Variants in PMFBP1 observed in about 807,000 individuals in gnomAD.
The protein encoded by PMFBP1 is polyamine-modulated factor 1-binding protein 1.
PMFBP1 carries 131 observed loss-of-function variants against 137.8 expected under a neutral mutation model. That is an observed-to-expected ratio of 0.95 (90% CI 0.82 to 1.10). The LOEUF is 1.10. Among genes scored for constraint, PMFBP1 ranks in the 50% least tolerant of loss-of-function variants. The pLI is 0.00. For missense variants in PMFBP1, 1,199 were observed against 1,175.4 expected, an observed-to-expected ratio of 1.02 and a Z score of -0.29; for synonymous variants, 490 against 450.4, an observed-to-expected ratio of 1.09 and a Z score of -1.11.
the PMFBP1 span, among the ~76,000 whole-genome samples, chr16:72,228,642 A>G: frequency 6.6e-6 from 1 of 152,206 alleles, no homozygotes; most frequent in Non-Finnish European, 1.5e-5. Flanking sequence ...AATGCTCACC[A>G]AAACTATTTG....
At chr16:72,188,996 T>C in the PMFBP1 span, among the ~76,000 whole-genome samples, 3 of 151,848 alleles carry the variant, frequency 2.0e-5, no homozygotes, top group Non-Finnish European at 2.9e-5. Flanking sequence ...GTGTAACACA[T>C]GGTGACAAAC....
At chr16:72,133,263 C>T (rs1370499024) in intron 9 of PMFBP1, among the ~76,000 whole-genome samples, 1 of 152,124 alleles carries the variant, frequency 6.6e-6, no homozygotes, top group Non-Finnish European at 1.5e-5. Context: ...TGGCTCACTG[C>T]AATCTCCCAT....
At position 72,125,266 on chromosome 16, in the gene PMFBP1, C is replaced by A. The variant is rs779157579; in HGVS notation, c.2393G>T (p.Arg798Leu). The change falls in exon 16 of 21, where the codon CGG becomes CTG. Residue 798 changes from arginine to leucine, a missense_variant. By Grantham distance (102) the Arg-to-Leu change is moderately radical. Transcript: ENST00000237353. ...CAGCTCACTCTCCTGGTGGAAGCCCCGCAGTTTTCTTAATTCCGTATTGAG... is the reference window on the plus strand; with the variant it reads ...CAGCTCACTCTCCTGGTGGAAGCCCAGCAGTTTTCTTAATTCCGTATTGAG... ...KKLNTELRKL[R>L]GFHQESELEV... is the part of the protein sequence containing the mutation. 1.9e-6 allele frequency: 3 copies of A among 1,613,998 alleles called. No individual in the cohort carries two copies. The highest frequency in any genetic ancestry group is 2.5e-6 in the Non-Finnish European group (3 of 1,179,984).
the PMFBP1 span, among the ~76,000 whole-genome samples, chr16:72,189,136 C>T: frequency 2.6e-5 from 4 of 152,022 alleles, no homozygotes; most frequent in Non-Finnish European, 1.5e-5. Flanking sequence ...CAAATATTAG[C>T]TCATTAATTC....
chr16:72,140,644 C>T, intron 5 of PMFBP1, 62 bp from the exon 6 acceptor site: 1 of 1,437,840 alleles, frequency 7.0e-7, no homozygotes, highest in African/African-American at 1.4e-5. Context: ...TTCAGAATTC[C>T]ATGAACATGG....
the PMFBP1 span, among the ~76,000 whole-genome samples, chr16:72,202,055 C>T: frequency 5.9e-5 from 9 of 152,182 alleles, no homozygotes; most frequent in African/African-American, 9.7e-5. Flanking sequence ...TTATTCATCT[C>T]CCTGTGGACA....
upstream of PMFBP1, among the ~76,000 whole-genome samples, chr16:72,179,697 T>C (rs1384575926): frequency 2.0e-5 from 3 of 152,268 alleles, no homozygotes; most frequent in Non-Finnish European, 4.4e-5. Flanking sequence ...AAAAACTGTG[T>C]GTACACTGCA....
At chr16:72,124,630 G>T in intron 17 of PMFBP1, 137 bp downstream of exon 17, 1 of 1,056,254 alleles carries the variant, frequency 9.5e-7, no homozygotes, top group Non-Finnish European at 1.4e-6. Context: ...CTCTTGCTTT[G>T]TGCTAAATGG....
At chr16:72,239,895 AAAAAAG>A in the PMFBP1 span, among the ~76,000 whole-genome samples, 6 of 123,488 alleles carry the variant, frequency 4.9e-5, no homozygotes, top group African/African-American at 2.4e-4. Context: ...CAAAAAAAAA[AAAAAAG>A]AAAAAAAAAA....
the PMFBP1 span, among the ~76,000 whole-genome samples, chr16:72,201,747 G>A: frequency 2.0e-5 from 3 of 151,996 alleles, no homozygotes; most frequent in South Asian, 2.1e-4. Flanking sequence ...CCCACTATAC[G>A]GTTAAACACC....
chr16:72,132,119 A>G (rs1043543154), intron 10 of PMFBP1, among the ~76,000 whole-genome samples: 1 of 152,206 alleles, frequency 6.6e-6, no homozygotes, highest in Non-Finnish European at 1.5e-5. Context: ...TGCTGGGATT[A>G]TAGGCCTGAG....
At chr16:72,207,709 CAT>C in the PMFBP1 span, among the ~76,000 whole-genome samples, 3 of 94,472 alleles carry the variant, frequency 3.2e-5, no homozygotes, top group African/African-American at 1.1e-4. Context: ...ACCAGTAGGG[CAT>C]GTGTGTGTGT....
Position 72,136,697 on chromosome 16 carries a change from CATG to C in PMFBP1, c.1038_1040del (p.Ile346del). On this transcript the variant is annotated inframe_deletion, in exon 8 of 21. Coordinates refer to ENST00000237353, the MANE Select transcript of PMFBP1 (RefSeq NM_031293.3). ...CAGCCTGCAGCCCCAGTTTACCCTT[CATG>C]ATGTTTCTCTTCTGTTCCGACACGG... The C allele has an allele frequency of 1.2e-6, 2 of 1,614,186 alleles. No homozygotes were observed. The highest frequency in any genetic ancestry group is 1.7e-6 in the Non-Finnish European group (2 of 1,180,022).
At position 72,140,517 on chromosome 16, in the gene PMFBP1, C is replaced by T. The variant is rs142600361; in HGVS notation, c.702G>A (p.Glu234=). The change falls in exon 6 of 21, where the codon GAG becomes GAA. Residue 234 remains glutamate (E), a synonymous_variant. Coordinates refer to ENST00000237353, the MANE Select transcript of PMFBP1 (RefSeq NM_031293.3). ...ACAGTCGTTTCTGAGTCTCCTGATG[C>T]TCTTGAATCATGCAAGGAGAAGTGT... The part of the protein sequence containing the change: ...RIYTSPCMIQ[E]HQETQKRLSE... 2.7e-5 allele frequency: 44 copies of T among 1,613,072 alleles called. No homozygotes were observed. Among genetic ancestry groups the T allele is most frequent in the Non-Finnish European group, 3.2e-5 (38 of 1,179,142 alleles).
chr16:72,197,250 A>C, the PMFBP1 span, among the ~76,000 whole-genome samples: 1 of 152,140 alleles, frequency 6.6e-6, no homozygotes, highest in African/African-American at 2.4e-5. Context: ...AGCCACCTGG[A>C]AGCTTCTGAT....
intron 12 of PMFBP1, among the ~76,000 whole-genome samples, 173 bp downstream of exon 12, chr16:72,130,032 TTTTTGTAA>T (rs1171545570): frequency 1.3e-5 from 2 of 151,936 alleles, no homozygotes; most frequent in Non-Finnish European, 1.5e-5. Flanking sequence ...TTTTTTTTTT[TTTTTGTAA>T]GGCAGGGTCT....
intron 7 of PMFBP1, 83 bp downstream of exon 7, chr16:72,139,206 A>T: frequency 1.0e-6 from 1 of 956,766 alleles, no homozygotes; most frequent in Non-Finnish European, 1.6e-6. Context: ...TGTCATATAA[A>T]AATAAAAAAT....
chr16:72,152,129 A>G (rs540944854), intron 4 of PMFBP1, among the ~76,000 whole-genome samples: 1 of 152,328 alleles, frequency 6.6e-6, no homozygotes, highest in African/African-American at 2.4e-5. Context: ...GGAATTAGTT[A>G]CTTGAATTTA....
chr16:72,201,479 G>A, the PMFBP1 span, among the ~76,000 whole-genome samples: 1 of 152,100 alleles, frequency 6.6e-6, no homozygotes, highest in Non-Finnish European at 1.5e-5. Flanking sequence ...TGCCTCCTCT[G>A]AATATCATAG....
Sources: gnomAD v4.1 joint callset for allele counts (sites outside exome capture counted in the v4.1 genomes callset) on GRCh38, gnomAD v4.1.1 for gene constraint, MANE v1.5 for transcripts, NCBI Gene and HGNC (gene_info 2026-07-23, HGNC 2026-07-21) for gene names.